Variants in SIPA1L2 observed in about 807,000 individuals in gnomAD.
SIPA1L2 encodes the protein signal induced proliferation associated 1 like 2, also known as signal-induced proliferation-associated 1-like protein 2.
SIPA1L2 carries 56 observed loss-of-function variants against 163.9 expected under a neutral mutation model. That is an observed-to-expected ratio of 0.34 (90% CI 0.28 to 0.43). The LOEUF is 0.43. Ranked by LOEUF, SIPA1L2 falls within the 20% of genes least tolerant of loss-of-function variation. SIPA1L2 has a pLI of 1.00. For missense variants in SIPA1L2, 1,974 were observed against 2,193.5 expected (o/e 0.90, Z 2.00); for synonymous variants, 877 against 865.7 (o/e 1.01, Z -0.23).
At chr1:232,491,098 G>A in intron 4 of SIPA1L2, 36 bp from the exon 5 acceptor site, 1 of 1,566,272 alleles carries the variant, frequency 6.4e-7, no homozygotes, top group Non-Finnish European at 8.7e-7. Context: ...GGTTAATATT[G>A]ATTCTCAATT....
At chr1:232,572,855 C>T (rs866691733) in intron 2 of SIPA1L2, among the ~76,000 whole-genome samples, 1 of 150,594 alleles carries the variant, frequency 6.6e-6, no homozygotes, top group African/African-American at 2.4e-5. Flanking sequence ...CTCGGCTCAC[C>T]GCAACCTCCG....
chr1:232,462,741 T>C (rs1002200943), intron 9 of SIPA1L2, among the ~76,000 whole-genome samples: 3 of 152,240 alleles, frequency 2.0e-5, no homozygotes, highest in East Asian at 3.8e-4. Flanking sequence ...GTACCCAGCC[T>C]TCTTTCAAAT....
chr1:232,628,022 T>C (rs1195260272), intron 1 of SIPA1L2, among the ~76,000 whole-genome samples: 4 of 152,356 alleles, frequency 2.6e-5, no homozygotes, highest in South Asian at 2.1e-4. Context: ...AAATGATAGC[T>C]ACAAAGATAA....
chr1:232,480,029 A>G (rs1186980982), intron 6 of SIPA1L2, among the ~76,000 whole-genome samples: 1 of 151,988 alleles, frequency 6.6e-6, no homozygotes. Context: ...CTGAAAGCGA[A>G]GTGTTTTTGC....
At chr1:232,488,690 A>G (rs1665769969) in intron 5 of SIPA1L2, among the ~76,000 whole-genome samples, 1 of 152,246 alleles carries the variant, frequency 6.6e-6, no homozygotes, top group Admixed American at 6.5e-5. Context: ...TTTTCTAAAT[A>G]CATTCATTGA....
At chr1:232,617,466 G>C (rs903339604) in intron 1 of SIPA1L2, among the ~76,000 whole-genome samples, 3 of 152,200 alleles carry the variant, frequency 2.0e-5, no homozygotes, top group African/African-American at 7.2e-5. Context: ...CTCTGAAAAG[G>C]TCATGTGATC....
chr1:232,457,490 C>T (rs1663989616), intron 10 of SIPA1L2, among the ~76,000 whole-genome samples: 1 of 152,150 alleles, frequency 6.6e-6, no homozygotes, highest in South Asian at 2.1e-4. Context: ...CACAGAAACA[C>T]ACACATGCAT....
chr1:232,530,576 G>A (rs757431657), intron 2 of SIPA1L2, among the ~76,000 whole-genome samples: 11 of 151,230 alleles, frequency 7.3e-5, no homozygotes, highest in Non-Finnish European at 1.3e-4. Context: ...ACTCCTTTTC[G>A]CTAAAAAAAA....
At chr1:232,527,075 T>C (rs937099524) in intron 2 of SIPA1L2, among the ~76,000 whole-genome samples, 2 of 152,080 alleles carry the variant, frequency 1.3e-5, no homozygotes, top group Admixed American at 6.5e-5. Context: ...AATGATCTGG[T>C]GGGTGAAGAA....
At chr1:232,597,479 C>T (rs1405109940) in intron 1 of SIPA1L2, among the ~76,000 whole-genome samples, 2 of 150,110 alleles carry the variant, frequency 1.3e-5, no homozygotes, top group African/African-American at 2.5e-5. Context: ...AGATCGAGAC[C>T]ATCCTGGCTA....
chr1:232,442,225 T>C (rs1662944618), intron 12 of SIPA1L2, among the ~76,000 whole-genome samples: 1 of 150,956 alleles, frequency 6.6e-6, no homozygotes, highest in Non-Finnish European at 1.5e-5. Context: ...TACATGGCAC[T>C]GACATCTCTT....
At chr1:232,404,462 A>T (rs954844503) in intron 19 of SIPA1L2, among the ~76,000 whole-genome samples, 4 of 152,096 alleles carry the variant, frequency 2.6e-5, no homozygotes, top group African/African-American at 9.7e-5. Flanking sequence ...TACTTAAATG[A>T]CTCACTCCAC....
At chr1:232,555,778 C>T (rs866843201) in intron 2 of SIPA1L2, among the ~76,000 whole-genome samples, 3 of 152,220 alleles carry the variant, frequency 2.0e-5, no homozygotes, top group Admixed American at 6.5e-5. Flanking sequence ...GAGAACTCTA[C>T]ATTCTAGGTC....
At chr1:232,482,138 T>C (rs893369147) in intron 6 of SIPA1L2, among the ~76,000 whole-genome samples, 33 of 152,180 alleles carry the variant, frequency 2.2e-4, no homozygotes, top group African/African-American at 7.5e-4. Context: ...CTCATCTCCT[T>C]GAGCTAAGGT....
At chr1:232,528,199 T>C (rs988814576) in intron 2 of SIPA1L2, among the ~76,000 whole-genome samples, 2 of 151,466 alleles carry the variant, frequency 1.3e-5, no homozygotes, top group Non-Finnish European at 2.9e-5. Flanking sequence ...ATTGAAGGAT[T>C]TACTATTCCC....
intron 2 of SIPA1L2, among the ~76,000 whole-genome samples, chr1:232,556,669 A>C (rs1658724976): frequency 2.6e-5 from 4 of 152,144 alleles, no homozygotes; most frequent in Admixed American, 2.6e-4. Context: ...CACACTTGAG[A>C]ATCTTTGAAC....
At chr1:232,463,754 C>T (rs1664364415) in intron 9 of SIPA1L2, among the ~76,000 whole-genome samples, 2 of 152,182 alleles carry the variant, frequency 1.3e-5, no homozygotes, top group African/African-American at 2.4e-5. Flanking sequence ...AGTCAATTCT[C>T]TAGGTATATA....
intron 15 of SIPA1L2, among the ~76,000 whole-genome samples, chr1:232,435,198 A>T (rs6682461): frequency 0.23 from 34,506 of 151,962 alleles, 4,032 homozygotes; most frequent in African/African-American, 0.27. Context: ...CCTTAAAATG[A>T]CCAAAGCGTA....
At chr1:232,587,626 G>C (rs1660741490) in intron 1 of SIPA1L2, among the ~76,000 whole-genome samples, 1 of 152,146 alleles carries the variant, frequency 6.6e-6, no homozygotes, top group Non-Finnish European at 1.5e-5. Flanking sequence ...CTTACTAGCT[G>C]TCATCTTACC....
Sources: gnomAD v4.1 joint callset for allele counts (sites outside exome capture counted in the v4.1 genomes callset) on GRCh38, gnomAD v4.1.1 for gene constraint, MANE v1.5 for transcripts, NCBI Gene and HGNC (gene_info 2026-07-23, HGNC 2026-07-21) for gene names.